Variants in ST18 observed in about 807,000 individuals in gnomAD.
ST18 encodes the protein ST18 C2H2C-type zinc finger transcription factor, also known as suppression of tumorigenicity 18 protein.
Under a neutral mutation model 110.0 loss-of-function variants are expected in ST18, and 50 were observed. The observed-to-expected ratio is 0.45, with a 90% CI of 0.36 to 0.58. The LOEUF (loss-of-function observed/expected upper bound fraction) is 0.58, where lower values mean the gene tolerates loss of function less well. ST18 is among the 20% of genes least tolerant of loss of function. ST18 has a pLI of 0.00. For missense variants in ST18, 1,306 were observed against 1,280.1 expected, an observed-to-expected ratio of 1.02 and a Z score of -0.31; for synonymous variants, 461 against 452.4, an observed-to-expected ratio of 1.02 and a Z score of -0.24.
intron 2 of ST18, among the ~76,000 whole-genome samples, chr8:52,352,679 A>G (rs983614341): frequency 1.3e-5 from 2 of 152,168 alleles, no homozygotes; most frequent in Non-Finnish European, 2.9e-5. Context: ...CACTAGCGAC[A>G]CTCATGAAGA....
At chr8:52,138,460 A>G (rs1296295862) in intron 17 of ST18, among the ~76,000 whole-genome samples, 1 of 152,144 alleles carries the variant, frequency 6.6e-6, no homozygotes, top group Non-Finnish European at 1.5e-5. Flanking sequence ...TTGTAAAAAT[A>G]ATATAATCAG....
intron 8 of ST18, among the ~76,000 whole-genome samples, chr8:52,196,817 C>G (rs1002198615): frequency 6.6e-6 from 1 of 152,152 alleles, no homozygotes; most frequent in African/African-American, 2.4e-5. Context: ...AGGAAGCCAA[C>G]TGTCACTCAT....
Position 52,257,843 on chromosome 8 carries a change from G to C in ST18, c.-464-27766C>G, listed in dbSNP as rs190077730. Among the ~76,000 whole-genome samples the C allele has an allele frequency of 7.0e-4, 107 of 152,180 alleles. 4 individuals carry two copies. Among genetic ancestry groups the C allele is most frequent in the African/African-American group, 2.2e-3 (91 of 41,554 alleles). ...ATTTGTGCTTTGGTGTCATAGCTAA[G>C]AAACTATTGCCAAATTCAATGTCAC... On this transcript the variant is annotated intron_variant, in intron 2 of 25. Coordinates refer to ENST00000689386, the MANE Select transcript of ST18 (RefSeq NM_001352837.2).
chr8:52,216,693 CA>C (rs1246907107), intron 6 of ST18, among the ~76,000 whole-genome samples: 1 of 152,048 alleles, frequency 6.6e-6, no homozygotes, highest in Non-Finnish European at 1.5e-5. Context: ...GATCTCAATT[CA>C]AAAATAGGTT....
At chr8:52,233,207 ATTC>A (rs1271067579) in intron 2 of ST18, among the ~76,000 whole-genome samples, 1 of 152,218 alleles carries the variant, frequency 6.6e-6, no homozygotes, top group Admixed American at 6.5e-5. Flanking sequence ...TTAAGCACCT[ATTC>A]TTCTGGAGAA....
At chr8:52,131,819 A>G (rs2049723496) in intron 22 of ST18, 139 bp downstream of exon 22, 1 of 675,664 alleles carries the variant, frequency 1.5e-6, no homozygotes, top group Non-Finnish European at 2.5e-6. Flanking sequence ...CAGTATCTAT[A>G]CAGCAAGACT....
chr8:52,260,538 A>G (rs2094655927), intron 2 of ST18, among the ~76,000 whole-genome samples: 2 of 151,580 alleles, frequency 1.3e-5, no homozygotes, highest in Admixed American at 1.3e-4. Context: ...GGTGATCTGA[A>G]AGGGTTCCTG....
At chr8:52,268,527 C>T (rs1221891930) in intron 2 of ST18, among the ~76,000 whole-genome samples, 1 of 130,284 alleles carries the variant, frequency 7.7e-6, no homozygotes, top group South Asian at 2.4e-4. Flanking sequence ...ATCTATCTTA[C>T]TATCTATCAT....
intron 2 of ST18, among the ~76,000 whole-genome samples, chr8:52,301,132 C>G (rs2095714504): frequency 6.6e-6 from 1 of 152,164 alleles, no homozygotes; most frequent in African/African-American, 2.4e-5. Context: ...CAGAGATATA[C>G]TTCCTTCCCT....
chr8:52,306,779 A>G (rs1030825014), intron 2 of ST18, among the ~76,000 whole-genome samples: 9 of 152,196 alleles, frequency 5.9e-5, no homozygotes, highest in Non-Finnish European at 1.2e-4. Context: ...TATTGATATA[A>G]TATAGATGAA....
At chr8:52,194,950 C>T (rs1479933293) in intron 8 of ST18, among the ~76,000 whole-genome samples, 3 of 152,064 alleles carry the variant, frequency 2.0e-5, no homozygotes, top group Non-Finnish European at 2.9e-5. Flanking sequence ...AATTATACAC[C>T]AACATTTGAA....
intron 2 of ST18, among the ~76,000 whole-genome samples, chr8:52,244,931 G>C (rs983583043): frequency 6.6e-6 from 1 of 152,126 alleles, no homozygotes; most frequent in Non-Finnish European, 1.5e-5. Context: ...CACAAAAAAA[G>C]ATCCAGGACT....
intron 15 of ST18, chr8:52,154,989 G>A (rs1167556268): frequency 5.3e-5 from 8 of 152,126 alleles, no homozygotes; most frequent in African/African-American, 1.9e-4. Flanking sequence ...ATCACCTGAG[G>A]TCAGGAGATC....
intron 17 of ST18, 104 bp downstream of exon 17, chr8:52,142,826 T>C (rs2055709542): frequency 9.9e-6 from 8 of 810,794 alleles, no homozygotes; most frequent in Non-Finnish European, 1.4e-5. Context: ...CTGGTAGAAA[T>C]CACCCTAACA....
chr8:52,301,642 A>G (rs1589735430), intron 2 of ST18, among the ~76,000 whole-genome samples: 1 of 152,376 alleles, frequency 6.6e-6, no homozygotes, highest in Middle Eastern at 3.4e-3. Context: ...CCAATTAAGT[A>G]AGAAAAGATA....
chr8:52,196,515 A>G lies in ST18; in HGVS notation c.86+15564T>C, dbSNP rs553324970. ...GTAGTCCCCCCTTGTCCGTGCTTTC[A>G]TTTTCCATGGTTTCAGTTGACTGTA... is the stretch of plus-strand genomic sequence containing the variant. On this transcript the variant is annotated intron_variant, in intron 8 of 25. Coordinates refer to ENST00000689386, the MANE Select transcript of ST18 (RefSeq NM_001352837.2). 1.2e-4 allele frequency among the ~76,000 whole-genome samples: 18 copies of G among 152,142 alleles called. 1 individual carries two copies. In the South Asian group the frequency reaches 3.7e-3, roughly 32 times the overall value.
intron 8 of ST18, chr8:52,210,215 G>A (rs555804284): frequency 1.7e-4 from 72 of 432,290 alleles, no homozygotes; most frequent in Non-Finnish European, 3.3e-4. Context: ...TTCTACAGGG[G>A]ACATAAATAA....
At chr8:52,374,371 A>T (rs1038379212) in intron 2 of ST18, among the ~76,000 whole-genome samples, 7 of 152,128 alleles carry the variant, frequency 4.6e-5, no homozygotes, top group African/African-American at 1.7e-4. Context: ...GAGCACTGGC[A>T]GCCGCCAGCA....
At chr8:52,309,521 A>T (rs78336628) in intron 2 of ST18, among the ~76,000 whole-genome samples, 3 of 77,926 alleles carry the variant, frequency 3.8e-5, no homozygotes, top group African/African-American at 1.6e-4. Flanking sequence ...ACTCCATCTC[A>T]AAAAAAAAAA....
Sources: gnomAD v4.1 joint callset for allele counts (sites outside exome capture counted in the v4.1 genomes callset) on GRCh38, gnomAD v4.1.1 for gene constraint, MANE v1.5 for transcripts, NCBI Gene and HGNC (gene_info 2026-07-23, HGNC 2026-07-21) for gene names.